Variants in CTNNA3 observed in about 807,000 individuals in gnomAD.
The protein encoded by CTNNA3 is catenin alpha-3.
In CTNNA3, 76 loss-of-function variants were observed where a neutral mutation model predicts 95.7. The ratio of observed to expected loss-of-function variants is 0.79; its 90% CI spans 0.66 to 0.96. The LOEUF is 0.96. Among genes scored for constraint, CTNNA3 ranks in the 40% least tolerant of loss-of-function variants. CTNNA3 has a pLI of 0.00. For synonymous variants in CTNNA3, 431 were observed against 374.4 expected, an observed-to-expected ratio of 1.15 and a Z score of -1.74; for missense variants, 1,191 against 1,089.8, an observed-to-expected ratio of 1.09 and a Z score of -1.31.
chr10:66,463,445 A>C (rs146040207), intron 11 of CTNNA3, among the ~76,000 whole-genome samples: 51 of 152,284 alleles, frequency 3.3e-4, no homozygotes, highest in African/African-American at 1.2e-3. Context: ...TTATCAGCTA[A>C]TTAAACCTCT....
At chr10:66,502,395 G>C (rs1488677381) in intron 11 of CTNNA3, among the ~76,000 whole-genome samples, 1 of 152,070 alleles carries the variant, frequency 6.6e-6, no homozygotes, top group Non-Finnish European at 1.5e-5. Flanking sequence ...AAGAAAAGTA[G>C]AGATCATAAA....
chr10:67,409,450 T>G (rs1431366026), intron 5 of CTNNA3, among the ~76,000 whole-genome samples: 2 of 151,526 alleles, frequency 1.3e-5, no homozygotes, highest in South Asian at 2.1e-4. Flanking sequence ...ATGGATGGAG[T>G]TGGAAGCTGT....
chr10:67,398,694 A>C (rs2132797266), intron 5 of CTNNA3, among the ~76,000 whole-genome samples: 1 of 152,248 alleles, frequency 6.6e-6, no homozygotes, highest in Non-Finnish European at 1.5e-5. Context: ...TAGTTCCCAT[A>C]ATCCCCACGT....
rs116717689 is a variant in CTNNA3 at position 67,083,254 on chromosome 10, C to T, written c.1047+97063G>A. Among the ~76,000 whole-genome samples the T allele has an allele frequency of 9.1e-3, 1,387 of 152,184 alleles. 24 individuals carry two copies. Among genetic ancestry groups the T allele is most frequent in the African/African-American group, 0.032 (1,320 of 41,536 alleles). Reference sequence around the variant, plus strand: ...AGTGTCTAAAGTGCAGGCTTAGCACCATAACACAAATATAAGCCAAATAGC... The same window carrying T: ...AGTGTCTAAAGTGCAGGCTTAGCACTATAACACAAATATAAGCCAAATAGC... On this transcript the variant is annotated intron_variant, in intron 7 of 17. Coordinates refer to ENST00000433211, the MANE Select transcript of CTNNA3 (RefSeq NM_013266.4).
intron 7 of CTNNA3, among the ~76,000 whole-genome samples, chr10:66,872,132 A>C (rs1017948270): frequency 6.6e-5 from 10 of 152,238 alleles, no homozygotes; most frequent in African/African-American, 2.4e-4. Flanking sequence ...ATCCATTAAA[A>C]TGCCCAAATC....
At chr10:67,628,248 T>G (rs1322138830) in intron 2 of CTNNA3, among the ~76,000 whole-genome samples, 1 of 142,202 alleles carries the variant, frequency 7.0e-6, no homozygotes, top group African/African-American at 2.9e-5. Context: ...TTGAGTAAAC[T>G]GCAAAAAAAA....
intron 16 of CTNNA3, among the ~76,000 whole-genome samples, chr10:65,984,877 T>C (rs1280955886): frequency 6.6e-6 from 1 of 151,244 alleles, no homozygotes. Flanking sequence ...TGCAATAAGA[T>C]TCTAAAATAA....
At chr10:66,451,491 T>C (rs1000260086) in intron 11 of CTNNA3, among the ~76,000 whole-genome samples, 2 of 152,266 alleles carry the variant, frequency 1.3e-5, no homozygotes, top group South Asian at 4.1e-4. Context: ...TCAGATGCTA[T>C]ATAAAAATGG....
At chr10:66,152,613 A>G (rs2084263738) in intron 13 of CTNNA3, among the ~76,000 whole-genome samples, 2 of 151,954 alleles carry the variant, frequency 1.3e-5, no homozygotes, top group African/African-American at 2.4e-5. Flanking sequence ...AAGAGTGTAT[A>G]AGTTTTTAAA....
chr10:67,738,871 G>A (rs1386795782), intron 1 of CTNNA3, among the ~76,000 whole-genome samples: 25 of 152,130 alleles, frequency 1.6e-4, no homozygotes, highest in Non-Finnish European at 3.7e-4. Flanking sequence ...ATGAAATGAA[G>A]TGAGAAGAGA....
chr10:66,170,241 C>CTTGTTTTTT (rs2085346786), intron 13 of CTNNA3, among the ~76,000 whole-genome samples: 1 of 73,360 alleles, frequency 1.4e-5, no homozygotes, highest in Non-Finnish European at 2.6e-5. Context: ...TCCTCATTGT[C>CTTGTTTTTT]TTTTTTTTTT....
chr10:65,968,679 A>G (rs2078029135), intron 16 of CTNNA3, among the ~76,000 whole-genome samples: 1 of 152,210 alleles, frequency 6.6e-6, no homozygotes, highest in Non-Finnish European at 1.5e-5. Context: ...CTTTCTCTGC[A>G]GGGATCCAGG....
rs550916732 is a variant in CTNNA3, at chr10:67,613,295, C to T, written c.100-6246G>A. 2.6e-5 allele frequency among the ~76,000 whole-genome samples: 4 copies of T among 151,710 alleles called. No individual in the cohort carries two copies. In the East Asian group the frequency reaches 5.8e-4, roughly 22 times the overall value. ...TGCTCTACCACGAACTCAATAAGGA[C>T]AGGGGCCGTGCTTGACTCATCCTGA... On this transcript the variant is annotated intron_variant, in intron 2 of 17. Transcript: ENST00000433211.
intron 3 of CTNNA3, among the ~76,000 whole-genome samples, chr10:67,566,848 A>G (rs1238352241): frequency 4.6e-5 from 7 of 152,208 alleles, no homozygotes; most frequent in Admixed American, 1.3e-4. Flanking sequence ...GCCATAAAAA[A>G]TGATGAGTTC....
At chr10:67,669,975 T>C (rs985743013) in intron 1 of CTNNA3, among the ~76,000 whole-genome samples, 22 of 152,234 alleles carry the variant, frequency 1.4e-4, no homozygotes, top group African/African-American at 5.1e-4. Flanking sequence ...AGTTGCAACA[T>C]GCTTAATAAA....
chr10:66,413,312 C>A (rs2093122748), intron 11 of CTNNA3, among the ~76,000 whole-genome samples: 1 of 152,036 alleles, frequency 6.6e-6, no homozygotes, highest in African/African-American at 2.4e-5. Context: ...TGGATAAGAA[C>A]CTACATTTTT....
At position 67,705,437 on chromosome 10, in the gene CTNNA3, A is replaced by G. The variant is rs1369723341; in HGVS notation, c.-1-57923T>C. 3.9e-3 allele frequency among the ~76,000 whole-genome samples: 588 copies of G among 149,432 alleles called. 1 individual carries two copies. The highest frequency in any genetic ancestry group is 0.012 in the African/African-American group (476 of 41,016). On this transcript the variant is annotated intron_variant, in intron 1 of 17. Coordinates refer to the CTNNA3 transcript ENST00000684154. The stretch of plus-strand genomic sequence containing the variant: ...ATGTGGCACATATACACCATGGAAT[A>G]CTATGCAGCCATAAAAAATGATGAG...
At chr10:67,643,189 G>T (rs534675128) in intron 2 of CTNNA3, among the ~76,000 whole-genome samples, 1 of 152,308 alleles carries the variant, frequency 6.6e-6, no homozygotes, top group South Asian at 2.1e-4. Context: ...GATGGAGTTG[G>T]AAGTCATTAT....
At position 66,239,987 on chromosome 10, in the gene CTNNA3, G is replaced by C. The variant is rs1198608630; in HGVS notation, c.1884+40483C>G. ...GGATCTACATGGTATAGATATCTAT[G>C]GTATAGATATAATAATCTAGAGCTA... On this transcript the variant is annotated intron_variant, in intron 13 of 17. Transcript: ENST00000433211. Among the ~76,000 whole-genome samples, 6 of 151,668 alleles carry C rather than the reference G, an allele frequency of 4.0e-5. No individual in the cohort carries two copies. In the East Asian group the frequency reaches 1.2e-3, roughly 29 times the overall value.
Sources: allele counts gnomAD v4.1 joint callset (sites outside exome capture counted in the v4.1 genomes callset), GRCh38; gene constraint gnomAD v4.1.1; transcripts MANE v1.5; gene names NCBI Gene and HGNC (gene_info 2026-07-23, HGNC 2026-07-21).